The following MASP1 variants were observed in gnomAD, a reference collection of about 807,000 sequenced individuals.
MASP1 encodes the protein mannan-binding lectin serine protease 1.
Under a neutral mutation model 77.1 loss-of-function variants are expected in MASP1, and 59 were observed. The ratio of observed to expected loss-of-function variants is 0.77; its 90% CI spans 0.62 to 0.95. The LOEUF is 0.95. Among genes scored for constraint, MASP1 ranks in the 40% least tolerant of loss-of-function variants. The pLI is 0.00. For missense variants in MASP1, 885 were observed against 912.9 expected (o/e 0.97, Z 0.39); for synonymous variants, 362 against 354.5 (o/e 1.02, Z -0.24).
At chr3:187,220,771 T>A (rs1482276513) in intron 15 of MASP1, among the ~76,000 whole-genome samples, 1 of 152,212 alleles carries the variant, frequency 6.6e-6, no homozygotes, top group African/African-American at 2.4e-5. Context: ...GTGCTGGGAT[T>A]ACAGGCATGA....
intron 2 of MASP1, among the ~76,000 whole-genome samples, chr3:187,273,280 C>T (rs1407146641): frequency 6.6e-6 from 1 of 152,204 alleles, no homozygotes; most frequent in Non-Finnish European, 1.5e-5. Flanking sequence ...GACCTCCCAG[C>T]CCAGCCTCCT....
At chr3:187,273,078 A>T (rs1459574836) in intron 2 of MASP1, among the ~76,000 whole-genome samples, 1 of 152,210 alleles carries the variant, frequency 6.6e-6, no homozygotes, top group Non-Finnish European at 1.5e-5. Flanking sequence ...CTGAGATGAC[A>T]CGTTCTGGCT....
chr3:187,235,686 A>G lies in MASP1; in HGVS notation c.2185T>C (p.Ter729ArgextTer37), dbSNP rs752133214. 6.8e-6 allele frequency: 11 copies of G among 1,613,860 alleles called. No homozygotes were observed. In the African/African-American group the frequency reaches 1.5e-4, roughly 22 times the overall value. ...QSVVEPQVER[*>R] The stretch of plus-strand genomic sequence containing the variant: ...AGGCCCCGAGGAAGTAAGTCAGCTC[A>G]CCGTTCCACCTGGGGCTCCACAACA... The change falls in exon 11 of 11, where the codon TGA becomes CGA. Residue 729 changes from the stop codon to arginine, a stop_lost. Transcript: ENST00000296280.
chr3:187,244,607 C>G (rs1291570274), intron 8 of MASP1: 1 of 152,152 alleles, frequency 6.6e-6, no homozygotes, highest in Non-Finnish European at 1.5e-5. Flanking sequence ...TATCTATGAG[C>G]CCAGAGAGGA....
intron 7 of MASP1, 190 bp downstream of exon 7, chr3:187,251,444 C>T (rs530702625): frequency 8.7e-6 from 5 of 575,658 alleles, no homozygotes; most frequent in Non-Finnish European, 1.5e-5. Flanking sequence ...TTTTGTGCCA[C>T]TTTCAGAGTG....
At chr3:187,250,571 C>A (rs1336698970) in intron 7 of MASP1, among the ~76,000 whole-genome samples, 1 of 152,162 alleles carries the variant, frequency 6.6e-6, no homozygotes. Flanking sequence ...GCAACTATCT[C>A]TGAAGGGAAA....
downstream of MASP1, among the ~76,000 whole-genome samples, chr3:187,233,024 C>A (rs954815845): frequency 6.6e-6 from 1 of 152,156 alleles, no homozygotes; most frequent in African/African-American, 2.4e-5. Flanking sequence ...GCTGTATGTA[C>A]CACTTAAATC....
chr3:187,225,442 G>T lies in MASP1; in HGVS notation c.1623C>A (p.His541Gln), dbSNP rs1234434548. The change falls in exon 13 of 16, where the codon CAC becomes CAA. Residue 541 changes from histidine (H) to glutamine (Q), a missense_variant. His to Gln is a conservative substitution (Grantham distance 24, BLOSUM62 0). Transcript: ENST00000337774. ...CGAATGTGTTGGGATCATACTGGGG[G>T]TGGAGAGTGGTGTGTTTGACGCCGA... The T allele has an allele frequency of 3.7e-6, 6 of 1,614,116 alleles. No homozygotes were observed. The African/African-American group carries it at 8.0e-5, about 22-fold the overall frequency.
intron 8 of MASP1, chr3:187,247,281 G>A: frequency 1.2e-6 from 2 of 1,613,928 alleles, no homozygotes; most frequent in African/African-American, 1.3e-5. Context: ...GGCCCCAGGG[G>A]TCTTGGGAGT....
chr3:187,230,658 A>T (rs1712713345), downstream of MASP1, among the ~76,000 whole-genome samples: 1 of 152,066 alleles, frequency 6.6e-6, no homozygotes, highest in Non-Finnish European at 1.5e-5. Context: ...CCCATTTTCC[A>T]CTGGCTTGGA....
In MASP1 at chr3:187,234,863, T is replaced by C; in HGVS notation, c.*821A>G. 7.8e-7 allele frequency: 1 copy of C among 1,287,250 alleles called. No homozygotes were observed. The highest frequency in any genetic ancestry group is 1.0e-6 in the Non-Finnish European group (1 of 988,706). 79.7% of individuals were successfully genotyped at this position (1,287,250 alleles called of 1,614,324 possible). On this transcript the variant is annotated 3_prime_UTR_variant, in exon 11 of 11. Transcript: ENST00000296280. ...CAAGGCTGAAAGATTGCTTTGTGCTTGTCTGGAGCAGCAGGTGTGGACGCC... is the reference window on the plus strand; with the variant it reads ...CAAGGCTGAAAGATTGCTTTGTGCTCGTCTGGAGCAGCAGGTGTGGACGCC...
At chr3:187,223,515 A>G (rs1164504810) in intron 13 of MASP1, among the ~76,000 whole-genome samples, 3 of 152,232 alleles carry the variant, frequency 2.0e-5, no homozygotes, top group Admixed American at 2.0e-4. Context: ...CACAGTGCCT[A>G]TAGCAATGCT....
chr3:187,220,251 G>A (rs1239146978), exon 16 of MASP1: 4 of 1,613,996 alleles, frequency 2.5e-6, no homozygotes, highest in South Asian at 2.2e-5. Context: ...CCGCACAGGC[G>A]TCCTTTCCCC....
At position 187,236,330 on chromosome 3, in the gene MASP1, T is replaced by C; in HGVS notation, c.1541A>G (p.Glu514Gly). 1 of 1,614,216 alleles carries C rather than the reference T, an allele frequency of 6.2e-7. No individual in the cohort carries two copies. Among genetic ancestry groups the C allele is most frequent in the South Asian group, 1.1e-5 (1 of 91,078 alleles). Reference sequence around the variant, plus strand: ...CAAGCCCAGGTAGACGGTGACATGCTCCTTGGAGACTGGTATCACCGTGGT... The same window carrying C: ...CAAGCCCAGGTAGACGGTGACATGCCCCTTGGAGACTGGTATCACCGTGGT... ...RDTTVIPVSK[E>G]HVTVYLGLHD... The change falls in exon 11 of 11, where the codon GAG (glutamate) becomes GGG (glycine). Residue 514 changes from glutamate to glycine, a missense_variant. Coordinates refer to ENST00000296280, the MANE Select transcript of MASP1 (RefSeq NM_139125.4).
At chr3:187,257,079 G>T (rs1715151499) in intron 4 of MASP1, among the ~76,000 whole-genome samples, 1 of 152,000 alleles carries the variant, frequency 6.6e-6, no homozygotes, top group Non-Finnish European at 1.5e-5. Context: ...GTCTGTCCAG[G>T]GCTGTTTACC....
In MASP1 at chr3:187,234,131, C is replaced by A. The variant is rs182579110; in HGVS notation, c.*1553G>T. The stretch of plus-strand genomic sequence containing the variant: ...TTCCACTTGAGACCCCTGATGGGAG[C>A]AACAATGCAGAGGCCCTTTACAGAA... On this transcript the variant is annotated 3_prime_UTR_variant, in exon 11 of 11. Coordinates refer to ENST00000296280, the MANE Select transcript of MASP1 (RefSeq NM_139125.4). 32 of 1,286,358 alleles carry A rather than the reference C, an allele frequency of 2.5e-5. No individual in the cohort carries two copies. In the Admixed American group the frequency reaches 6.2e-4, roughly 25 times the overall value. 79.7% of individuals were successfully genotyped at this position (1,286,358 alleles called of 1,614,324 possible). A position where few individuals can be genotyped will look rare whatever the true frequency, so the allele number is the denominator to read the frequency against.
intron 8 of MASP1, among the ~76,000 whole-genome samples, chr3:187,249,854 G>A (rs977410666): frequency 1.3e-5 from 2 of 152,174 alleles, no homozygotes; most frequent in African/African-American, 4.8e-5. Context: ...AAGATGAAGG[G>A]GATATGGCTG....
chr3:187,219,858 C>T (rs1263264350), exon 16 of MASP1: 2 of 596,940 alleles, frequency 3.4e-6, no homozygotes, highest in Non-Finnish European at 6.1e-6. Context: ...AGTGATAGAG[C>T]CTGGATTCGG....
chr3:187,273,901 G>A (rs1408311488), intron 2 of MASP1, among the ~76,000 whole-genome samples: 3 of 152,046 alleles, frequency 2.0e-5, no homozygotes, highest in African/African-American at 7.3e-5. Flanking sequence ...CAAGTCTTTC[G>A]GCCATAAAAA....
Sources: allele counts gnomAD v4.1 joint callset (sites outside exome capture counted in the v4.1 genomes callset), GRCh38; gene constraint gnomAD v4.1.1; transcripts MANE v1.5; gene names NCBI Gene and HGNC (gene_info 2026-07-23, HGNC 2026-07-21).